CERS6: variants seen among roughly 807,000 people sequenced by gnomAD.
CERS6 encodes ceramide synthase 6.
Under a neutral mutation model 56.8 loss-of-function variants are expected in CERS6, and 26 were observed. That is an observed-to-expected ratio of 0.46 (90% CI 0.34 to 0.63). The LOEUF is 0.63. Ranked by LOEUF, CERS6 falls within the 30% of genes least tolerant of loss-of-function variation. The pLI, the probability that CERS6 is intolerant of heterozygous loss-of-function variation, is 0.01. For missense variants in CERS6, 415 were observed against 467.5 expected, an observed-to-expected ratio of 0.89 and a Z score of 1.04; for synonymous variants, 164 against 173.3, an observed-to-expected ratio of 0.95 and a Z score of 0.42.
chr2:168,457,157 G>A (rs1693685193), intron 1 of CERS6, among the ~76,000 whole-genome samples: 1 of 152,240 alleles, frequency 6.6e-6, no homozygotes, highest in Non-Finnish European at 1.5e-5. Context: ...GGGACTTCCT[G>A]GCTTCTGGTC....
At chr2:168,463,014 A>G (rs1693805023) in intron 1 of CERS6, among the ~76,000 whole-genome samples, 1 of 152,216 alleles carries the variant, frequency 6.6e-6, no homozygotes, top group African/African-American at 2.4e-5. Flanking sequence ...AGTAACAACT[A>G]ATATTTATTC....
At position 168,659,697 on chromosome 2, in the gene CERS6, G is replaced by GT. The variant is rs36093106; in HGVS notation, c.465+28665dup. Among the ~76,000 whole-genome samples, 973 of 146,308 alleles carry GT rather than the reference G, an allele frequency of 6.7e-3. 11 individuals carry two copies. Among genetic ancestry groups the GT allele is most frequent in the East Asian group, 0.034 (170 of 5,008 alleles). Reference sequence around the variant, plus strand: ...TCTGTATTGTCTGTTTTTTGTTTTTGTTTTTTTTTTAATCACCTAAGCCAT... The same window carrying GT: ...TCTGTATTGTCTGTTTTTTGTTTTTGTTTTTTTTTTTAATCACCTAAGCCAT... On this transcript the variant is annotated intron_variant, in intron 4 of 9. Coordinates refer to ENST00000305747, the MANE Select transcript of CERS6 (RefSeq NM_203463.3).
At chr2:168,763,240 CT>C (rs756952701) in intron 8 of CERS6, among the ~76,000 whole-genome samples, 14,377 of 105,568 alleles carry the variant, frequency 0.14, 658 homozygotes, top group African/African-American at 0.26. Context: ...CTCTCTCTCT[CT>C]TTTTTTTTTT....
chr2:168,670,551 G>A (rs1219749379), intron 4 of CERS6, among the ~76,000 whole-genome samples: 1 of 152,168 alleles, frequency 6.6e-6, no homozygotes, highest in Non-Finnish European at 1.5e-5. Context: ...TCTTATTCAT[G>A]CCTTCTTTCC....
At chr2:168,565,287 T>C (rs1020004364) in intron 3 of CERS6, among the ~76,000 whole-genome samples, 2 of 152,242 alleles carry the variant, frequency 1.3e-5, no homozygotes, top group African/African-American at 4.8e-5. Flanking sequence ...CACCTAGTGA[T>C]GTTTTCAAAA....
At chr2:168,709,022 C>G (rs953008630) in intron 6 of CERS6, among the ~76,000 whole-genome samples, 4 of 152,104 alleles carry the variant, frequency 2.6e-5, no homozygotes, top group African/African-American at 9.7e-5. Flanking sequence ...CAGAGATTCT[C>G]TACAGCTTGA....
chr2:168,609,562 A>G (rs1342536718), intron 3 of CERS6, among the ~76,000 whole-genome samples: 1 of 152,170 alleles, frequency 6.6e-6, no homozygotes, highest in African/African-American at 2.4e-5. Context: ...TCCTATGTCC[A>G]TGAGCTCTTC....
intron 8 of CERS6, among the ~76,000 whole-genome samples, chr2:168,739,433 T>G (rs1683825738): frequency 6.6e-6 from 1 of 152,042 alleles, no homozygotes; most frequent in African/African-American, 2.4e-5. Flanking sequence ...GTGGTAAAAA[T>G]TGAGTATATT....
In CERS6 at chr2:168,567,476, A is replaced by G. The variant is rs1467335614; in HGVS notation, c.407+6154A>G. On this transcript the variant is annotated intron_variant, in intron 3 of 9. Transcript: ENST00000305747. Reference sequence around the variant, plus strand: ...ATGCAAATGTGCATGGCTGTGTTCCAGTAAAAGTGTATTTATGGATACTGA... The same window carrying G: ...ATGCAAATGTGCATGGCTGTGTTCCGGTAAAAGTGTATTTATGGATACTGA... Among the ~76,000 whole-genome samples the G allele has an allele frequency of 2.0e-5, 3 of 152,254 alleles. No individual in the cohort carries two copies. The South Asian group carries it at 6.2e-4, about 32-fold the overall frequency.
chr2:168,576,627 G>A (rs1183345440), intron 3 of CERS6, among the ~76,000 whole-genome samples: 1 of 152,106 alleles, frequency 6.6e-6, no homozygotes. Flanking sequence ...TTGAAGAATA[G>A]TATAAAGAAA....
chr2:168,718,089 G>A (rs1009542991), intron 8 of CERS6, 111 bp downstream of exon 8: 4 of 711,260 alleles, frequency 5.6e-6, no homozygotes, highest in Admixed American at 2.9e-5. Context: ...ATATATTGGG[G>A]GGGAGGGGAA....
At chr2:168,688,718 A>G (rs1200019317) in intron 4 of CERS6, among the ~76,000 whole-genome samples, 1 of 152,178 alleles carries the variant, frequency 6.6e-6, no homozygotes, top group African/African-American at 2.4e-5. Context: ...ATTGGCCAGA[A>G]AACTTGTGAG....
At chr2:168,639,717 A>G (rs1438598598) in intron 4 of CERS6, among the ~76,000 whole-genome samples, 1 of 152,158 alleles carries the variant, frequency 6.6e-6, no homozygotes, top group Non-Finnish European at 1.5e-5. Context: ...GATGTGGAGC[A>G]GAGCAGCAGG....
chr2:168,720,083 G>A (rs1257795984), intron 8 of CERS6, among the ~76,000 whole-genome samples: 1 of 150,276 alleles, frequency 6.7e-6, no homozygotes, highest in Non-Finnish European at 1.5e-5. Flanking sequence ...CGCACCACCA[G>A]GACCGGTCTA....
At position 168,683,136 on chromosome 2, in the gene CERS6, A is replaced by AT. The variant is rs1444027825; in HGVS notation, c.466-7892dup. Among the ~76,000 whole-genome samples the AT allele has an allele frequency of 2.0e-5, 3 of 152,150 alleles. No individual in the cohort carries two copies. In the East Asian group the frequency reaches 5.8e-4, roughly 29 times the overall value. On this transcript the variant is annotated intron_variant, in intron 4 of 9. Transcript: ENST00000305747. Reference sequence around the variant, plus strand: ...GTACCTTTATATATGGATCTAGTTAATTTTTTACAATAAATGCTGGGTCAA... The same window carrying AT: ...GTACCTTTATATATGGATCTAGTTAATTTTTTTACAATAAATGCTGGGTCAA...
chr2:168,643,775 G>A (rs1685102514), intron 4 of CERS6, among the ~76,000 whole-genome samples: 1 of 151,982 alleles, frequency 6.6e-6, no homozygotes, highest in Non-Finnish European at 1.5e-5. Context: ...TCATCAGTTC[G>A]CCTTCTCTTT....
chr2:168,639,844 T>C (rs978447374), intron 4 of CERS6, among the ~76,000 whole-genome samples: 6 of 152,166 alleles, frequency 3.9e-5, no homozygotes, highest in African/African-American at 1.4e-4. Flanking sequence ...AATGGCTTAG[T>C]GTTTGTGCTT....
At chr2:168,696,603 T>C (rs1282050878) in intron 6 of CERS6, among the ~76,000 whole-genome samples, 1 of 152,128 alleles carries the variant, frequency 6.6e-6, no homozygotes, top group Non-Finnish European at 1.5e-5. Flanking sequence ...TTCTAGAAGG[T>C]GAGGTGCCCC....
intron 3 of CERS6, among the ~76,000 whole-genome samples, chr2:168,581,135 C>T (rs1683397145): frequency 6.6e-6 from 1 of 152,062 alleles, no homozygotes; most frequent in African/African-American, 2.4e-5. Flanking sequence ...TCTCCTGCCT[C>T]AGCTTCCCAA....
Sources: allele counts gnomAD v4.1 joint callset (sites outside exome capture counted in the v4.1 genomes callset), GRCh38; gene constraint gnomAD v4.1.1; transcripts MANE v1.5; gene names NCBI Gene and HGNC (gene_info 2026-07-23, HGNC 2026-07-21).